Variants in SSH1 observed in about 807,000 individuals in gnomAD.
The protein encoded by SSH1 is slingshot protein phosphatase 1, also known as protein phosphatase Slingshot homolog 1.
SSH1 carries 43 observed loss-of-function variants against 79.7 expected under a neutral mutation model. That is an observed-to-expected ratio of 0.54 (90% confidence interval 0.42 to 0.70). The LOEUF is 0.70. Among genes scored for constraint, SSH1 ranks in the 30% least tolerant of loss-of-function variants. The probability of loss-of-function intolerance (pLI) is 0.00; values close to 1 mark genes in which losing one functional copy is unlikely to be tolerated. For synonymous variants in SSH1, 599 were observed against 538.3 expected (o/e 1.11, Z -1.56); for missense variants, 1,206 against 1,358.8 (o/e 0.89, Z 1.77).
Position 108,820,928 on chromosome 12 carries a change from G to C in SSH1, c.214+2330C>G, listed in dbSNP as rs1008032791. Among the ~76,000 whole-genome samples the C allele has an allele frequency of 2.0e-5, 3 of 152,236 alleles. No homozygotes were observed. The East Asian group carries it at 5.8e-4, about 29-fold the overall frequency. On this transcript the variant is annotated intron_variant, in intron 3 of 14. Coordinates refer to ENST00000326495, the MANE Select transcript of SSH1 (RefSeq NM_018984.4). ...TCAGGGCACAAGAGTCAGCCAGCTG[G>C]TGGCTTGCATCCTACCCTTCTAGTC... is the stretch of plus-strand genomic sequence containing the variant.
At chr12:108,855,519 T>G (rs1445486315) in intron 1 of SSH1, among the ~76,000 whole-genome samples, 2 of 152,274 alleles carry the variant, frequency 1.3e-5, no homozygotes, top group East Asian at 3.9e-4. Context: ...TAATAAGACC[T>G]TAAAATGCGT....
At position 108,826,298 on chromosome 12, in the gene SSH1, A is replaced by ATG. The variant is rs773856804; in HGVS notation, c.111-2938_111-2937insCA. On this transcript the variant is annotated intron_variant, in intron 2 of 14. Coordinates refer to ENST00000326495, the MANE Select transcript of SSH1 (RefSeq NM_018984.4). ...TCCTCCTCCATGTTCCTACACTGAT[A>ATG]AGAATCAGGGACTCCTGCTCTACGC... The ATG allele has an allele frequency of 1.8e-4, 70 of 378,406 alleles. 1 individual carries two copies. Among genetic ancestry groups the ATG allele is most frequent in the Non-Finnish European group, 2.5e-4 (49 of 195,480 alleles). 23.4% of individuals were successfully genotyped at this position (378,406 alleles called of 1,614,324 possible).
chr12:108,807,715 C>A lies in SSH1; in HGVS notation c.649G>T (p.Glu217Ter). 6.2e-7 allele frequency: 1 copy of A among 1,613,382 alleles called. No homozygotes were observed. The highest frequency in any genetic ancestry group is 2.2e-5 in the East Asian group (1 of 44,810). ...ATYYESCISS[E>*]QSCINEWNAM... ...TTCCACTCGTTGATGCAGCTCTGCT[C>A]GGAGCTGATGCAGCTCTCATAGTAG... The change falls in exon 8 of 15, where the codon GAG becomes TAG. Residue 217 changes from glutamate (E) to a stop codon, truncating the protein, a stop_gained. Transcript: ENST00000326495. LOFTEE classifies it high-confidence loss of function. The surrounding 1 kb of genome is among the most constrained non-coding windows in gnomAD (Gnocchi z 5.2).
chr12:108,823,314 T>C lies in SSH1; in HGVS notation c.158A>G (p.Gln53Arg). The C allele has an allele frequency of 6.3e-7, 1 of 1,588,520 alleles. No homozygotes were observed. The change falls in exon 3 of 15, where the codon CAA (glutamine) becomes CGA (arginine). Residue 53 changes from glutamine to arginine, a missense_variant. Coordinates refer to ENST00000326495, the MANE Select transcript of SSH1 (RefSeq NM_018984.4). ...CTGGCCTTGAGGGCTGCTTCCCTGT[T>C]GTAAGAAGAGGGCTGCGCCTTTCAC... ...FMVKGAALFLQQGSSPQGQRS... is the reference protein window; with the variant it reads ...FMVKGAALFLRQGSSPQGQRS...
chr12:108,780,216 C>T lies in SSH1; in HGVS notation c.*7772G>A, dbSNP rs1248499111. 3 of 152,172 alleles carry T rather than the reference C, an allele frequency of 2.0e-5. No individual in the cohort carries two copies. The East Asian group carries it at 5.8e-4, about 29-fold the overall frequency. The allele number at this position is 152,172 out of a possible 1,614,324, so 9.4% of individuals were successfully genotyped here. A position where few individuals can be genotyped will look rare whatever the true frequency, so the allele number is the denominator to read the frequency against. ...TCTGTGCTGCCTTTGGAGCCTCTCC[C>T]GAACATCTTGCCAAGAGGGGGTTCC... is the stretch of plus-strand genomic sequence containing the variant. On this transcript the variant is annotated 3_prime_UTR_variant, in exon 15 of 15. Coordinates refer to ENST00000326495, the MANE Select transcript of SSH1 (RefSeq NM_018984.4).
chr12:108,801,056 CTT>C (rs2036980478), intron 11 of SSH1, 130 bp from the exon 12 acceptor site: 1 of 938,710 alleles, frequency 1.1e-6, no homozygotes, highest in Non-Finnish European at 1.6e-6. Flanking sequence ...CGTGGCGGGA[CTT>C]TGGTTTTTCC....
At position 108,792,607 on chromosome 12, in the gene SSH1, A is replaced by C. The variant is rs1255581244; in HGVS notation, c.1572T>G (p.Asp524Glu). Reference protein sequence around the residue: ...LSDPLLPSPEDETGSLVHLED... With the variant: ...LSDPLLPSPEEETGSLVHLED... ...CCAGGTGGACCAAGCTGCCAGTTTC[A>C]TCCTCAGGGGAAGGCAGAAGGGGGT... Residue 524 changes from aspartate (D) to glutamate (E), a missense_variant, in exon 14 of 15, where the codon GAT becomes GAG. By Grantham distance (45) the Asp-to-Glu change is conservative. Around this residue, in one of 5 missense-constraint regions of SSH1, gnomAD observed 709 missense variants for 730.6 expected, o/e 0.97. Transcript: ENST00000326495. 1.2e-6 allele frequency: 2 copies of C among 1,612,268 alleles called. No homozygotes were observed. Among genetic ancestry groups the C allele is most frequent in the African/African-American group, 2.7e-5 (2 of 74,842 alleles).
Position 108,784,415 on chromosome 12 carries a change from T to A in SSH1, c.*3573A>T, listed in dbSNP as rs1021808989. The A allele has an allele frequency of 6.6e-6, 1 of 152,270 alleles. No individual in the cohort carries two copies. The highest frequency in any genetic ancestry group is 1.5e-5 in the Non-Finnish European group (1 of 68,094). The allele number at this position is 152,270 out of a possible 1,614,324, so 9.4% of individuals were successfully genotyped here. ...GTGTGCACCTGGTGAGCAATCTGTATGCTTAAGCAACAGGGTGCCAAGGAG... is the reference window on the plus strand; with the variant it reads ...GTGTGCACCTGGTGAGCAATCTGTAAGCTTAAGCAACAGGGTGCCAAGGAG... On this transcript the variant is annotated 3_prime_UTR_variant, in exon 15 of 15. Coordinates refer to ENST00000326495, the MANE Select transcript of SSH1 (RefSeq NM_018984.4).
At chr12:108,843,346 A>G (rs2038823121) in intron 2 of SSH1, among the ~76,000 whole-genome samples, 1 of 152,148 alleles carries the variant, frequency 6.6e-6, no homozygotes, top group Non-Finnish European at 1.5e-5. Flanking sequence ...TACTCAACTT[A>G]CAAGACCTCT....
At chr12:108,837,630 T>C (rs1329194721) in intron 2 of SSH1, among the ~76,000 whole-genome samples, 1 of 152,226 alleles carries the variant, frequency 6.6e-6, no homozygotes, top group East Asian at 1.9e-4. Context: ...TTTATCGACG[T>C]AGTATTTTAC....
chr12:108,830,223 G>T (rs966108425), intron 2 of SSH1, among the ~76,000 whole-genome samples: 2 of 152,206 alleles, frequency 1.3e-5, no homozygotes, highest in Non-Finnish European at 2.9e-5. Context: ...AGGCCAAGGT[G>T]GGTGGATCAC....
At chr12:108,804,317 TGAG>T (rs370982008) in intron 10 of SSH1, among the ~76,000 whole-genome samples, 1 of 152,376 alleles carries the variant, frequency 6.6e-6, no homozygotes, top group African/African-American at 2.4e-5. Flanking sequence ...CCGCTGAGGC[TGAG>T]GAGTGGGAAT....
At chr12:108,806,506 A>G (rs2037282845) in intron 8 of SSH1, 112 bp from the exon 9 acceptor site, 1 of 944,234 alleles carries the variant, frequency 1.1e-6, no homozygotes, top group South Asian at 1.3e-5. Flanking sequence ...TGGCAAGGAG[A>G]GCACGCTTCT....
intron 2 of SSH1, among the ~76,000 whole-genome samples, chr12:108,825,152 C>T (rs964954574): frequency 6.6e-6 from 1 of 152,156 alleles, no homozygotes; most frequent in African/African-American, 2.4e-5. Context: ...CGCTCTTGAA[C>T]AACCAATGAA....
At chr12:108,796,900 A>G (rs1019902408) in intron 13 of SSH1, among the ~76,000 whole-genome samples, 6 of 151,714 alleles carry the variant, frequency 4.0e-5, no homozygotes, top group Admixed American at 2.6e-4. Context: ...ATGCCACCAC[A>G]CCCAGCTAAT....
At chr12:108,819,825 A>G (rs2038050079) in intron 3 of SSH1, among the ~76,000 whole-genome samples, 1 of 152,200 alleles carries the variant, frequency 6.6e-6, no homozygotes, top group Admixed American at 6.5e-5. Flanking sequence ...TACTCTATAC[A>G]TCACAATTAC....
In SSH1 at chr12:108,780,671, A is replaced by T. The variant is rs1248527581; in HGVS notation, c.*7317T>A. ...AACCTTGCCAGAGAACAGTGTCTTG[A>T]ACCATGACCCTCAGTGATTTGTTTT... On this transcript the variant is annotated 3_prime_UTR_variant, in exon 15 of 15. Coordinates refer to ENST00000326495, the MANE Select transcript of SSH1 (RefSeq NM_018984.4). The T allele has an allele frequency of 1.3e-5, 2 of 152,228 alleles. No homozygotes were observed. Among genetic ancestry groups the T allele is most frequent in the Non-Finnish European group, 2.9e-5 (2 of 68,044 alleles). The allele number at this position is 152,228 out of a possible 1,614,324, so 9.4% of individuals were successfully genotyped here.
chr12:108,788,460 C>T lies in SSH1; in HGVS notation c.2678G>A (p.Gly893Asp), dbSNP rs750977236. The change falls in exon 15 of 15, where the codon GGC becomes GAC. Residue 893 changes from glycine (G) to aspartate (D), a missense_variant. By Grantham distance (94) the Gly-to-Asp change is moderately conservative. Transcript: ENST00000326495. ...GAAAGGAGGGGGGCTCTTCAGTGAG[C>T]CTCCTTCCAATGAAGCGGGGGCGGC... is the stretch of plus-strand genomic sequence containing the variant. ...SEAAPASLEG[G>D]SLKSPPPFFY... 3.2e-6 allele frequency: 5 copies of T among 1,562,844 alleles called. No individual in the cohort carries two copies. The highest frequency in any genetic ancestry group is 4.5e-5 in the East Asian group (2 of 44,518).
At chr12:108,854,704 G>A (rs1353658852) in intron 1 of SSH1, among the ~76,000 whole-genome samples, 2 of 152,288 alleles carry the variant, frequency 1.3e-5, no homozygotes, top group African/African-American at 4.8e-5. Context: ...GAGGTTCTCA[G>A]ATGAAAGGCC....
Sources: gnomAD v4.1 joint callset for allele counts (sites outside exome capture counted in the v4.1 genomes callset) on GRCh38, gnomAD v4.1.1 for gene constraint, gnomAD v4.1.1 regional missense constraint, Gnocchi (gnomAD v3.1) non-coding constraint, MANE v1.5 for transcripts, NCBI Gene and HGNC (gene_info 2026-07-23, HGNC 2026-07-21) for gene names.